The following OTOG variants were observed in gnomAD, a reference collection of about 807,000 sequenced individuals.
OTOG encodes otogelin.
In OTOG, 296 loss-of-function variants were observed where a neutral mutation model predicts 313.8. The observed-to-expected ratio is 0.94, with a 90% confidence interval of 0.86 to 1.04. The LOEUF (loss-of-function observed/expected upper bound fraction) is 1.04, where lower values mean the gene tolerates loss of function less well. Ranked by LOEUF, OTOG falls within the 50% of genes least tolerant of loss-of-function variation. The probability of loss-of-function intolerance (pLI) is 0.00; values close to 1 mark genes in which losing one functional copy is unlikely to be tolerated. For missense variants in OTOG, 3,948 were observed against 3,840.1 expected, an observed-to-expected ratio of 1.03 and a Z score of -0.74; for synonymous variants, 1,533 against 1,554.9, an observed-to-expected ratio of 0.99 and a Z score of 0.33.
intron 25 of OTOG, among the ~76,000 whole-genome samples, chr11:17,592,431 G>T (rs1301849152): frequency 6.6e-6 from 1 of 152,164 alleles, no homozygotes; most frequent in Non-Finnish European, 1.5e-5. Flanking sequence ...AAAGGTTAAT[G>T]CAGTGTATAT....
At chr11:17,618,147 C>T (rs1314493925) in intron 39 of OTOG, among the ~76,000 whole-genome samples, 11 of 152,162 alleles carry the variant, frequency 7.2e-5, no homozygotes, top group East Asian at 3.8e-4. Context: ...GTGATCCACC[C>T]GCCTTGGCCT....
At chr11:17,613,253 TTCTTTC>T (rs1249103510) in intron 38 of OTOG, among the ~76,000 whole-genome samples, 1 of 121,510 alleles carries the variant, frequency 8.2e-6, no homozygotes, top group Non-Finnish European at 1.7e-5. Context: ...CTTTCTTTCT[TTCTTTC>T]TTTCTTTCTC....
chr11:17,559,920 G>A (rs1288272422), intron 12 of OTOG, among the ~76,000 whole-genome samples: 1 of 151,420 alleles, frequency 6.6e-6, no homozygotes, highest in African/African-American at 2.4e-5. Context: ...AAGGAAAGAA[G>A]GAAGGGAGGG....
intron 28 of OTOG, 62 bp downstream of exon 28, chr11:17,594,228 A>G: frequency 6.5e-7 from 1 of 1,545,288 alleles, no homozygotes; most frequent in African/African-American, 1.4e-5. Flanking sequence ...CCAGCACTGA[A>G]CCCGGCCCAA....
rs764076937 is a variant in OTOG, at chr11:17,634,089, G to A, written c.7288G>A (p.Val2430Met). The A allele has an allele frequency of 7.8e-6, 12 of 1,546,582 alleles. No homozygotes were observed. The East Asian group carries it at 9.8e-5, about 13-fold the overall frequency. ...TGCAGCCTGCACTGACAGCATGGGG[G>A]TGCCGAGGGCCCTGGGGGAGACCTG... ...AKCACTDSMG[V>M]PRALGETWNS... Residue 2430 changes from valine to methionine, a missense_variant, in exon 44 of 56, where the codon GTG (valine) becomes ATG (methionine). Val to Met is a conservative substitution (Grantham distance 21). Coordinates refer to ENST00000399397, the MANE Select transcript of OTOG (RefSeq NM_001292063.2).
chr11:17,609,704 C>T lies in OTOG; in HGVS notation c.4404C>T (p.Thr1468=), dbSNP rs911741585. 4.6e-6 allele frequency: 7 copies of T among 1,525,982 alleles called. No individual in the cohort carries two copies. The highest frequency in any genetic ancestry group is 2.8e-5 in the African/African-American group (2 of 72,360). The allele number at this position is 1,525,982 out of a possible 1,614,324, so 94.5% of individuals were successfully genotyped here. ...WVPTEALGNE[T]LPPSQGLPTP... is the part of the protein sequence containing the mutation. ...CCACAGAGGCCCTTGGCAATGAGAC[C>T]CTCCCTCCCAGTCAAGGGTTGCCCA... Residue 1468 remains threonine, a synonymous_variant, in exon 36 of 56, where the codon ACC becomes ACT. Transcript: ENST00000399397.
intron 17 of OTOG, 37 bp from the exon 18 acceptor site, chr11:17,572,043 G>T: frequency 6.5e-7 from 1 of 1,549,770 alleles, no homozygotes; most frequent in South Asian, 1.2e-5. Flanking sequence ...GAGTCCACAG[G>T]GGCAAGTGTG....
Position 17,550,862 on chromosome 11 carries a change from T to A in OTOG, c.217-1138T>A, listed in dbSNP as rs138877552. 7.0e-3 allele frequency among the ~76,000 whole-genome samples: 1,072 copies of A among 152,328 alleles called. 14 individuals are homozygous for A. Among genetic ancestry groups the A allele is most frequent in the Admixed American group, 0.036 (557 of 15,308 alleles). ...GTAGGTGAGGACACCAAAATCTGGC[T>A]AAGATGTCAGGAAGACCATGAAGAT... On this transcript the variant is annotated intron_variant, in intron 3 of 55. Transcript: ENST00000399397.
chr11:17,645,639 C>T lies in OTOG; in HGVS notation c.8537C>T (p.Thr2846Ile), dbSNP rs1255036128. The T allele has an allele frequency of 6.4e-7, 1 of 1,550,588 alleles. No individual in the cohort carries two copies. The highest frequency in any genetic ancestry group is 8.7e-7 in the Non-Finnish European group (1 of 1,147,020). ...CGCAAGAATGAATGCAGGAGCAGCA[C>T]CCCTGTGCGTGGTGCCCACAAGGCA... ...TIRKNECRSS[T>I]PVNLVSCDGR... Residue 2846 changes from threonine (T) to isoleucine (I), a missense_variant, in exon 55 of 56, where the codon ACC becomes ATC. Transcript: ENST00000399397.
chr11:17,630,186 C>CA (rs991482956), intron 40 of OTOG, among the ~76,000 whole-genome samples: 3 of 152,190 alleles, frequency 2.0e-5, no homozygotes, highest in African/African-American at 4.8e-5. Context: ...ACAAAACAGA[C>CA]AAAATCCCTG....
At chr11:17,631,948 G>T in intron 41 of OTOG, 26 bp downstream of exon 41, 1 of 1,547,458 alleles carries the variant, frequency 6.5e-7, no homozygotes, top group African/African-American at 1.4e-5. Context: ...GTCCAGCACT[G>T]GGGACACCTC....
Position 17,561,767 on chromosome 11 carries a change from G to T in OTOG, c.1604G>T (p.Gly535Val). The T allele has an allele frequency of 6.4e-7, 1 of 1,550,474 alleles. No individual in the cohort carries two copies. The highest frequency in any genetic ancestry group is 8.7e-7 in the Non-Finnish European group (1 of 1,146,978). The change falls in exon 15 of 56, where the codon GGC becomes GTC. Residue 535 changes from glycine (G) to valine (V), a missense_variant. Transcript: ENST00000399397. The part of the protein sequence containing the change: ...QYILAKSRSS[G>V]TFTVTLQNAP... ...ATCCTGGCCAAGAGCCGCTCTTCGG[G>T]CACCTTCACCGTGACATTGCAGAAT...
intron 15 of OTOG, among the ~76,000 whole-genome samples, chr11:17,565,319 G>A (rs898910242): frequency 6.6e-6 from 1 of 152,108 alleles, no homozygotes; most frequent in Non-Finnish European, 1.5e-5. Flanking sequence ...TTTTCTCATG[G>A]TTTGACTGGG....
intron 53 of OTOG, among the ~76,000 whole-genome samples, chr11:17,642,926 A>G (rs1318635781): frequency 6.6e-6 from 1 of 152,186 alleles, no homozygotes; most frequent in Non-Finnish European, 1.5e-5. Flanking sequence ...TCACACACAC[A>G]TACTGAGACC....
chr11:17,586,650 A>G, intron 24 of OTOG, 69 bp downstream of exon 24: 6 of 741,674 alleles, frequency 8.1e-6, no homozygotes, highest in Non-Finnish European at 1.2e-5. Context: ...TGCATAATCA[A>G]GAGTATAGTC....
chr11:17,618,397 C>T (rs554815933), intron 39 of OTOG, among the ~76,000 whole-genome samples: 57 of 152,212 alleles, frequency 3.7e-4, no homozygotes, highest in Middle Eastern at 3.4e-3. Context: ...TTTCCAGATG[C>T]CTTTCTGTTA....
intron 31 of OTOG, among the ~76,000 whole-genome samples, chr11:17,600,947 G>A (rs916708691): frequency 6.6e-6 from 1 of 152,216 alleles, no homozygotes; most frequent in Non-Finnish European, 1.5e-5. Flanking sequence ...TGGTCCCTGA[G>A]TCCTGCCACA....
At position 17,609,130 on chromosome 11, in the gene OTOG, G is replaced by T. The variant is rs1294068443; in HGVS notation, c.4275G>T (p.Arg1425Ser). The T allele has an allele frequency of 2.6e-6, 4 of 1,550,260 alleles. No homozygotes were observed. Among genetic ancestry groups the T allele is most frequent in the Non-Finnish European group, 3.5e-6 (4 of 1,146,798 alleles). Residue 1425 changes from arginine (R) to serine (S), a missense_variant and splice_region_variant, in exon 35 of 56, where the codon AGG becomes AGT. Coordinates refer to ENST00000399397, the MANE Select transcript of OTOG (RefSeq NM_001292063.2). ...PRAASCRDVP[R>S]VEGCVPVCPT... The stretch of plus-strand genomic sequence containing the variant: ...AAACTGCTCCCTGCTCTGTCCTCAG[G>T]GTAGAAGGCTGTGTCCCTGTGTGCC...
Position 17,578,394 on chromosome 11 carries a change from A to G in OTOG, c.2627A>G (p.Gln876Arg), listed in dbSNP as rs937425322. Reference sequence around the variant, plus strand: ...CCAGCTGCTGCCTGCCCAGCAGGCCAGGTCTTCGTGAACTGCAGCGACCTG... The same window carrying G: ...CCAGCTGCTGCCTGCCCAGCAGGCCGGGTCTTCGTGAACTGCAGCGACCTG... Reference protein sequence around the residue: ...RAPAAACPAGQVFVNCSDLHT... With the variant: ...RAPAAACPAGRVFVNCSDLHT... The change falls in exon 23 of 56, where the codon CAG becomes CGG. Residue 876 changes from glutamine to arginine, a missense_variant. By Grantham distance (43) the Gln-to-Arg change is conservative. Transcript: ENST00000399397. The G allele has an allele frequency of 3.3e-6, 5 of 1,529,644 alleles. 1 individual carries two copies. The South Asian group carries it at 4.8e-5, about 15-fold the overall frequency. The allele number at this position is 1,529,644 out of a possible 1,614,324, so 94.8% of individuals were successfully genotyped here.
Sources: gnomAD v4.1 joint callset for allele counts (sites outside exome capture counted in the v4.1 genomes callset) on GRCh38, gnomAD v4.1.1 for gene constraint, MANE v1.5 for transcripts, NCBI Gene and HGNC (gene_info 2026-07-23, HGNC 2026-07-21) for gene names.